Variants in SCUBE2 observed in about 807,000 individuals in gnomAD.
The protein encoded by SCUBE2 is signal peptide, CUB and EGF-like domain-containing protein 2.
Under a neutral mutation model 125.9 loss-of-function variants are expected in SCUBE2, and 114 were observed. The ratio of observed to expected loss-of-function variants is 0.91; its 90% CI spans 0.78 to 1.06. The LOEUF (loss-of-function observed/expected upper bound fraction) is 1.06, where lower values mean the gene tolerates loss of function less well. SCUBE2 is among the 50% of genes least tolerant of loss of function. SCUBE2 has a pLI of 0.00. For missense variants in SCUBE2, 1,255 were observed against 1,301.8 expected, an observed-to-expected ratio of 0.96 and a Z score of 0.55; for synonymous variants, 459 against 492.9, an observed-to-expected ratio of 0.93 and a Z score of 0.91.
At chr11:9,039,049 C>T (rs1044358380) in intron 16 of SCUBE2, among the ~76,000 whole-genome samples, 64 of 152,008 alleles carry the variant, frequency 4.2e-4, no homozygotes, top group African/African-American at 1.5e-3. Context: ...CCATGCCCAG[C>T]TAATGTTTTA....
At chr11:9,046,001 C>CTTTTTTTT (rs58572754) in intron 16 of SCUBE2, among the ~76,000 whole-genome samples, 47 of 92,054 alleles carry the variant, frequency 5.1e-4, no homozygotes, top group Non-Finnish European at 5.7e-4. Context: ...GTCTTTCTTT[C>CTTTTTTTT]TTTTTTTTTT....
At chr11:9,085,731 T>TA (rs896986043) in intron 2 of SCUBE2, among the ~76,000 whole-genome samples, 1 of 150,152 alleles carries the variant, frequency 6.7e-6, no homozygotes, top group African/African-American at 2.5e-5. Flanking sequence ...GTCTCAAAAA[T>TA]AAAAAAATTA....
At chr11:9,036,834 T>C (rs1856789562) in intron 16 of SCUBE2, among the ~76,000 whole-genome samples, 1 of 152,212 alleles carries the variant, frequency 6.6e-6, no homozygotes, top group African/African-American at 2.4e-5. Context: ...GACCTCACAA[T>C]ATCCCACCTC....
Position 9,084,543 on chromosome 11 carries a change from T to C in SCUBE2, c.257-5034A>G, listed in dbSNP as rs191924597. Among the ~76,000 whole-genome samples, 972 of 151,580 alleles carry C rather than the reference T, an allele frequency of 6.4e-3. 6 individuals carry two copies. The highest frequency in any genetic ancestry group is 0.034 in the Middle Eastern group (10 of 294). The stretch of plus-strand genomic sequence containing the variant: ...ATTGCAAAGGGGAAAAAAAAATATA[T>C]AGTAATTTTGTAGCAGAGAAAACCC... On this transcript the variant is annotated intron_variant, in intron 2 of 22. Coordinates refer to ENST00000649792, the MANE Select transcript of SCUBE2 (RefSeq NM_001367977.2).
At chr11:9,050,493 T>C in intron 14 of SCUBE2, 113 bp downstream of exon 14, 1 of 771,120 alleles carries the variant, frequency 1.3e-6, no homozygotes, top group East Asian at 2.4e-5. Context: ...CCATCTGCAG[T>C]GTGCTTGGAT....
chr11:9,049,502 T>G (rs1858134863), intron 14 of SCUBE2, among the ~76,000 whole-genome samples: 2 of 152,152 alleles, frequency 1.3e-5, no homozygotes, highest in Admixed American at 1.3e-4. Context: ...TGCCTTGGCC[T>G]CCCAAAGTGC....
intron 1 of SCUBE2, among the ~76,000 whole-genome samples, chr11:9,090,134 G>A (rs1168086587): frequency 5.9e-5 from 9 of 152,164 alleles, no homozygotes; most frequent in Non-Finnish European, 1.3e-4. Flanking sequence ...GCTCGCATAT[G>A]TATGGCTTTG....
At chr11:9,053,788 G>A in intron 10 of SCUBE2, 29 bp from the exon 11 acceptor site, 1 of 1,602,968 alleles carries the variant, frequency 6.2e-7, no homozygotes, top group Non-Finnish European at 8.5e-7. Flanking sequence ...TCCTGTCATA[G>A]CAGCCTGTCA....
intron 2 of SCUBE2, among the ~76,000 whole-genome samples, 168 bp from the exon 3 acceptor site, chr11:9,079,677 AC>A (rs1441216999): frequency 6.6e-6 from 1 of 152,200 alleles, no homozygotes; most frequent in Non-Finnish European, 1.5e-5. Flanking sequence ...GTTTCTAATG[AC>A]AAAATACTGT....
intron 9 of SCUBE2, among the ~76,000 whole-genome samples, chr11:9,058,745 T>C (rs1859369386): frequency 6.6e-6 from 1 of 150,858 alleles, no homozygotes; most frequent in South Asian, 2.1e-4. Flanking sequence ...ACCAAGATGA[T>C]GCCACTGCAC....
intron 16 of SCUBE2, among the ~76,000 whole-genome samples, chr11:9,034,183 G>A (rs1399100419): frequency 6.6e-6 from 1 of 152,214 alleles, no homozygotes; most frequent in Non-Finnish European, 1.5e-5. Flanking sequence ...CATAGGTCTA[G>A]TGCTGGAAGA....
chr11:9,073,937 G>T (rs912350975), intron 4 of SCUBE2, among the ~76,000 whole-genome samples: 1 of 152,176 alleles, frequency 6.6e-6, no homozygotes, highest in African/African-American at 2.4e-5. Context: ...AAATGGTGAC[G>T]TAGGCGAAGG....
intron 10 of SCUBE2, among the ~76,000 whole-genome samples, 199 bp downstream of exon 10, chr11:9,055,594 G>T (rs1010743122): frequency 1.3e-5 from 2 of 152,188 alleles, no homozygotes; most frequent in Non-Finnish European, 2.9e-5. Flanking sequence ...TTTCACACTC[G>T]GTGTGTTAAA....
intron 19 of SCUBE2, among the ~76,000 whole-genome samples, chr11:9,029,673 G>A (rs1673016454): frequency 1.3e-5 from 2 of 152,240 alleles, no homozygotes. Flanking sequence ...TGTGCCTGAG[G>A]AAGTAGCCAG....
At chr11:9,030,278 A>G in intron 18 of SCUBE2, 1 of 556,654 alleles carries the variant, frequency 1.8e-6, no homozygotes, top group Admixed American at 3.1e-5. Flanking sequence ...CAAAGAGTTT[A>G]TGGTTCATGC....
intron 16 of SCUBE2, among the ~76,000 whole-genome samples, chr11:9,044,750 T>A (rs1857538865): frequency 6.6e-6 from 1 of 152,150 alleles, no homozygotes; most frequent in African/African-American, 2.4e-5. Flanking sequence ...CTCTCAGCTC[T>A]CATCCTTCTG....
At chr11:9,050,765 AC>A in intron 13 of SCUBE2, 55 bp from the exon 14 acceptor site, 1 of 1,367,736 alleles carries the variant, frequency 7.3e-7, no homozygotes, top group Non-Finnish European at 1.0e-6. Flanking sequence ...GAATGGAGAC[AC>A]CAGATGGGAA....
chr11:9,084,642 T>C (rs141681286), intron 2 of SCUBE2, among the ~76,000 whole-genome samples: 2,076 of 152,332 alleles, frequency 0.014, 39 homozygotes, highest in African/African-American at 0.047. Context: ...CATGTGCCCA[T>C]GATGTGCTAC....
intron 7 of SCUBE2, chr11:9,065,110 A>G (rs1302285024): frequency 6.6e-6 from 1 of 152,164 alleles, no homozygotes; most frequent in African/African-American, 2.4e-5. Context: ...AGCTGACTTC[A>G]CTGACCACCC....
Sources: allele counts gnomAD v4.1 joint callset (sites outside exome capture counted in the v4.1 genomes callset), GRCh38; gene constraint gnomAD v4.1.1; transcripts MANE v1.5; gene names NCBI Gene and HGNC (gene_info 2026-07-23, HGNC 2026-07-21).